The following SDK2 variants were observed in gnomAD, a reference collection of about 807,000 sequenced individuals.
SDK2 encodes the protein protein sidekick-2.
SDK2 carries 105 observed loss-of-function variants against 253.9 expected under a neutral mutation model. The ratio of observed to expected loss-of-function variants is 0.41; its 90% CI spans 0.35 to 0.49. The LOEUF is 0.49. SDK2 is among the 20% of genes least tolerant of loss of function. SDK2 has a pLI of 0.06. For synonymous variants in SDK2, 1,249 were observed against 1,234.9 expected (o/e 1.01, Z -0.24); for missense variants, 2,608 against 3,003.0 (o/e 0.87, Z 3.07).
intron 2 of SDK2, among the ~76,000 whole-genome samples, chr17:73,492,825 G>A (rs1268945050): frequency 6.6e-6 from 1 of 152,124 alleles, no homozygotes; most frequent in Non-Finnish European, 1.5e-5. Context: ...GGCTGGGGGC[G>A]GGGAGGGGAG....
chr17:73,362,818 C>G (rs571137718), intron 38 of SDK2, among the ~76,000 whole-genome samples: 1 of 152,248 alleles, frequency 6.6e-6, no homozygotes, highest in Non-Finnish European at 1.5e-5. Context: ...CCAAATACTC[C>G]TGACTGCCAG....
At chr17:73,546,746 C>T (rs946335242) in intron 1 of SDK2, among the ~76,000 whole-genome samples, 1 of 152,226 alleles carries the variant, frequency 6.6e-6, no homozygotes, top group Non-Finnish European at 1.5e-5. Context: ...CCATAAGTCC[C>T]TTTCAGTTCT....
intron 12 of SDK2, among the ~76,000 whole-genome samples, chr17:73,425,077 G>A (rs765377807): frequency 3.9e-5 from 6 of 152,182 alleles, no homozygotes; most frequent in East Asian, 1.9e-4. Flanking sequence ...GAAATTTGCC[G>A]GGCGTGGTGG....
intron 15 of SDK2, among the ~76,000 whole-genome samples, chr17:73,420,816 C>T (rs2063223468): frequency 6.6e-6 from 1 of 151,624 alleles, no homozygotes; most frequent in Non-Finnish European, 1.5e-5. Flanking sequence ...GCTGGGATTA[C>T]AGGCACGTGC....
chr17:73,567,392 T>A (rs1395119354), intron 1 of SDK2, among the ~76,000 whole-genome samples: 1 of 152,246 alleles, frequency 6.6e-6, no homozygotes, highest in Non-Finnish European at 1.5e-5. Context: ...AGACAAGGCC[T>A]GCCACGGGGC....
chr17:73,383,892 T>G lies in SDK2; in HGVS notation c.4689A>C (p.Thr1563=), dbSNP rs773727796. The G allele has an allele frequency of 5.0e-6, 8 of 1,613,816 alleles. No individual in the cohort carries two copies. In the Admixed American group the frequency reaches 1.2e-4, roughly 24 times the overall value. ...GTCACTCACAGGTAAGCTCAGCCCA[T>G]GTGGCCCCTGGGTTGTTGATGCCTC... ...TLRGINNPGA[T]WAELTSMYSM... Residue 1563 remains threonine (T), a synonymous_variant, in exon 33 of 45, where the codon ACA becomes ACC. Coordinates refer to ENST00000392650, the MANE Select transcript of SDK2 (RefSeq NM_001144952.2). This position sits in a 1 kb window ranked among gnomAD's most constrained non-coding sequence, Gnocchi z 4.3.
chr17:73,401,116 T>C lies in SDK2; in HGVS notation c.2875A>G (p.Thr959Ala). 3.8e-6 allele frequency: 6 copies of C among 1,563,570 alleles called. No homozygotes were observed. Among genetic ancestry groups the C allele is most frequent in the Non-Finnish European group, 5.2e-6 (6 of 1,153,956 alleles). Residue 959 changes from threonine (T) to alanine (A), a missense_variant, in exon 21 of 45, where the codon ACC becomes GCC. Coordinates refer to ENST00000392650, the MANE Select transcript of SDK2 (RefSeq NM_001144952.2). The stretch of plus-strand genomic sequence containing the variant: ...TCGATGGTGTAGGTGGTGAGCGCGG[T>C]GAGGCCCGTGACACGGTACTCCAGG... ...VTLEYRVTGLTALTTYTIEVA... is the reference protein window; with the variant it reads ...VTLEYRVTGLAALTTYTIEVA...
At chr17:73,526,532 T>C (rs1232921117) in intron 1 of SDK2, among the ~76,000 whole-genome samples, 1 of 152,192 alleles carries the variant, frequency 6.6e-6, no homozygotes, top group Non-Finnish European at 1.5e-5. Flanking sequence ...ATGGTGACGA[T>C]CAGAGTCCTA....
intron 1 of SDK2, among the ~76,000 whole-genome samples, chr17:73,536,537 G>A (rs1301060951): frequency 1.3e-5 from 2 of 152,180 alleles, no homozygotes; most frequent in South Asian, 2.1e-4. Flanking sequence ...TAGGTGTGCC[G>A]AAGCCTTTTC....
At chr17:73,595,133 A>G (rs2045737221) in intron 1 of SDK2, among the ~76,000 whole-genome samples, 1 of 152,188 alleles carries the variant, frequency 6.6e-6, no homozygotes, top group South Asian at 2.1e-4. Flanking sequence ...TTGGGTGGGC[A>G]CTTGCTGAAT....
At chr17:73,368,355 C>T in intron 37 of SDK2, 52 bp downstream of exon 37, 2 of 1,370,682 alleles carry the variant, frequency 1.5e-6, no homozygotes, top group East Asian at 2.8e-5. Context: ...GGTCCTCTTG[C>T]AACCCCCCGT....
chr17:73,352,699 G>T lies in SDK2; in HGVS notation c.5594-62C>A. 1 of 1,560,624 alleles carries T rather than the reference G, an allele frequency of 6.4e-7. No homozygotes were observed. The highest frequency in any genetic ancestry group is 8.8e-7 in the Non-Finnish European group (1 of 1,139,254). On this transcript the variant is annotated intron_variant, in intron 40 of 44. Transcript: ENST00000392650. This position sits in a 1 kb window ranked among gnomAD's most constrained non-coding sequence, Gnocchi z 4.1. Reference sequence around the variant, plus strand: ...GGGGAAGCCCCAAATCCCGCTCCCAGCCCCGTTCTGACTATGCTCCCTGAG... The same window carrying T: ...GGGGAAGCCCCAAATCCCGCTCCCATCCCCGTTCTGACTATGCTCCCTGAG...
chr17:73,502,724 A>G (rs1379820620), intron 2 of SDK2, among the ~76,000 whole-genome samples: 1 of 152,254 alleles, frequency 6.6e-6, no homozygotes, highest in Non-Finnish European at 1.5e-5. Context: ...CACCATAGTA[A>G]TAACTGATTC....
intron 18 of SDK2, among the ~76,000 whole-genome samples, chr17:73,407,168 A>G (rs2063085963): frequency 6.6e-6 from 1 of 152,264 alleles, no homozygotes; most frequent in South Asian, 2.1e-4. Context: ...AAGTGCTAAA[A>G]CTGTGGTATC....
At chr17:73,605,640 T>A (rs1477709150) in intron 1 of SDK2, among the ~76,000 whole-genome samples, 1 of 152,140 alleles carries the variant, frequency 6.6e-6, no homozygotes, top group Non-Finnish European at 1.5e-5. Flanking sequence ...TGTTACCTAA[T>A]CCTGGATGAG....
rs2143333599 is a variant in SDK2, at chr17:73,644,073, T to G, written c.16A>C (p.Ile6Leu). The part of the protein sequence containing the change: MWGLL[I>L]WTLLALHQIR... ...TGATGCAGAGCTAGCAGTGTCCAGATCAAAAGCCCCCACATGGTGACCAGC... is the reference window on the plus strand; with the variant it reads ...TGATGCAGAGCTAGCAGTGTCCAGAGCAAAAGCCCCCACATGGTGACCAGC... The change falls in exon 1 of 45, where the codon ATC becomes CTC. Residue 6 changes from isoleucine to leucine, a missense_variant. By Grantham distance (5) the Ile-to-Leu change is conservative. This residue lies in a region of SDK2 where 1,505 missense variants were observed against 1,859.1 expected (regional missense o/e 0.81). Coordinates refer to ENST00000392650, the MANE Select transcript of SDK2 (RefSeq NM_001144952.2). This position sits in a 1 kb window ranked among gnomAD's most constrained non-coding sequence, Gnocchi z 6.3. 1 of 1,549,498 alleles carries G rather than the reference T, an allele frequency of 6.5e-7. No homozygotes were observed. The highest frequency in any genetic ancestry group is 2.5e-5 in the East Asian group (1 of 40,680).
At chr17:73,421,304 A>T (rs1384320308) in intron 15 of SDK2, among the ~76,000 whole-genome samples, 1 of 152,174 alleles carries the variant, frequency 6.6e-6, no homozygotes, top group Non-Finnish European at 1.5e-5. Context: ...CTACCTTAGT[A>T]CAAGCCAGAG....
intron 15 of SDK2, among the ~76,000 whole-genome samples, chr17:73,420,351 TGA>T (rs1568394970): frequency 1.3e-5 from 2 of 152,362 alleles, no homozygotes; most frequent in East Asian, 3.9e-4. Context: ...GTGTTTTATT[TGA>T]GAGAGTTTTG....
intron 4 of SDK2, among the ~76,000 whole-genome samples, chr17:73,454,551 C>G (rs938678927): frequency 6.6e-6 from 1 of 152,190 alleles, no homozygotes; most frequent in Non-Finnish European, 1.5e-5. Flanking sequence ...AGGTGCTCTG[C>G]GGACTGGAAG....
Sources: gnomAD v4.1 joint callset for allele counts (sites outside exome capture counted in the v4.1 genomes callset) on GRCh38, gnomAD v4.1.1 for gene constraint, gnomAD v4.1.1 regional missense constraint, Gnocchi (gnomAD v3.1) non-coding constraint, MANE v1.5 for transcripts, NCBI Gene and HGNC (gene_info 2026-07-23, HGNC 2026-07-21) for gene names.